Variants in AGBL4 observed in about 807,000 individuals in gnomAD.
AGBL4 encodes the protein cytosolic carboxypeptidase 6.
Under a neutral mutation model 66.4 loss-of-function variants are expected in AGBL4, and 58 were observed. The observed-to-expected ratio is 0.87, with a 90% CI of 0.71 to 1.09. The LOEUF is 1.09. Ranked by LOEUF, AGBL4 falls within the 50% of genes least tolerant of loss-of-function variation. The pLI is 0.00. For synonymous variants in AGBL4, 234 were observed against 222.9 expected (o/e 1.05, Z -0.44); for missense variants, 579 against 631.0 (o/e 0.92, Z 0.88).
At chr1:48,609,032 T>A (rs1645196300) in intron 9 of AGBL4, among the ~76,000 whole-genome samples, 3 of 152,152 alleles carry the variant, frequency 2.0e-5, no homozygotes, top group Non-Finnish European at 4.4e-5. Flanking sequence ...TAGGGTTACG[T>A]AGGGAAGCCA....
At chr1:48,961,095 G>GTGTGTGTGTGTGCGTGTA (rs1657936991) in intron 5 of AGBL4, among the ~76,000 whole-genome samples, 1 of 152,020 alleles carries the variant, frequency 6.6e-6, no homozygotes, top group Non-Finnish European at 1.5e-5. Context: ...GTGTGTGTGT[G>GTGTGTGTGTGTGCGTGTA]TGTGTGTGTG....
At chr1:49,699,249 T>C (rs1647042818) in intron 2 of AGBL4, among the ~76,000 whole-genome samples, 1 of 152,080 alleles carries the variant, frequency 6.6e-6, no homozygotes, top group East Asian at 1.9e-4. Context: ...ATAGTGAACA[T>C]CTGGTCTTTG....
chr1:48,784,573 T>C (rs1453299774), intron 6 of AGBL4, among the ~76,000 whole-genome samples: 2 of 152,236 alleles, frequency 1.3e-5, no homozygotes, highest in African/African-American at 4.8e-5. Context: ...AAACTGACTT[T>C]GTTGAGTATT....
chr1:49,718,797 GT>G (rs986926930), intron 2 of AGBL4, among the ~76,000 whole-genome samples: 3 of 151,872 alleles, frequency 2.0e-5, no homozygotes, highest in Non-Finnish European at 4.4e-5. Context: ...AGAAGATCCT[GT>G]AAAAAACATT....
intron 3 of AGBL4, among the ~76,000 whole-genome samples, chr1:49,392,211 T>C (rs191897494): frequency 6.6e-6 from 1 of 152,334 alleles, no homozygotes; most frequent in Non-Finnish European, 1.5e-5. Context: ...AGCCACATTA[T>C]GGCTAATTAT....
intron 5 of AGBL4, among the ~76,000 whole-genome samples, chr1:49,013,185 A>C (rs535539629): frequency 2.4e-4 from 37 of 152,368 alleles, no homozygotes; most frequent in African/African-American, 8.9e-4. Context: ...GACAGTGAGC[A>C]TGACAGCAAA....
intron 4 of AGBL4, among the ~76,000 whole-genome samples, chr1:49,084,253 C>T (rs1644857709): frequency 6.6e-6 from 1 of 152,216 alleles, no homozygotes; most frequent in African/African-American, 2.4e-5. Flanking sequence ...TCCAAAGTCA[C>T]TTCCACATTT....
At chr1:48,535,028 G>A (rs774144276) in intron 12 of AGBL4, 112 bp from the exon 13 acceptor site, 15 of 976,526 alleles carry the variant, frequency 1.5e-5, no homozygotes, top group Admixed American at 8.7e-5. Context: ...ACACCCAAAC[G>A]GAGCATAGGA....
At chr1:48,932,197 T>C (rs1335122019) in intron 5 of AGBL4, among the ~76,000 whole-genome samples, 1 of 152,196 alleles carries the variant, frequency 6.6e-6, no homozygotes, top group African/African-American at 2.4e-5. Flanking sequence ...TGCAGGATGG[T>C]ACAGCATGTC....
intron 4 of AGBL4, among the ~76,000 whole-genome samples, chr1:49,138,078 ACAAT>A (rs1179692091): frequency 1.3e-5 from 2 of 152,176 alleles, no homozygotes; most frequent in African/African-American, 4.8e-5. Flanking sequence ...GAACTGGGAA[ACAAT>A]CAAGTAGTTT....
intron 3 of AGBL4, among the ~76,000 whole-genome samples, chr1:49,615,234 T>C (rs2124260787): frequency 6.6e-6 from 1 of 152,266 alleles, no homozygotes; most frequent in South Asian, 2.1e-4. Context: ...AAGGAGGCAG[T>C]ATAAATCTCC....
At chr1:49,604,581 G>A (rs897839056) in intron 3 of AGBL4, among the ~76,000 whole-genome samples, 2 of 151,980 alleles carry the variant, frequency 1.3e-5, no homozygotes, top group African/African-American at 4.8e-5. Context: ...GTTCAATTAG[G>A]TCCCATTAAT....
intron 4 of AGBL4, among the ~76,000 whole-genome samples, chr1:49,242,547 G>T (rs1368074672): frequency 6.6e-6 from 1 of 151,960 alleles, no homozygotes; most frequent in African/African-American, 2.4e-5. Context: ...TGCAATGCCA[G>T]TTCCTAGCAG....
rs1647169502 is a variant in AGBL4, at chr1:48,856,812, G to T, written c.634+10379C>A. On this transcript the variant is annotated intron_variant, in intron 6 of 13. Coordinates refer to ENST00000371839, the MANE Select transcript of AGBL4 (RefSeq NM_032785.4). ...TCTATCATATTTTAGGAAATCAATT[G>T]TATCTTCAGAACACAGCCTCATTAG... Among the ~76,000 whole-genome samples, 4 of 152,078 alleles carry T rather than the reference G, an allele frequency of 2.6e-5. No individual in the cohort carries two copies. In the South Asian group the frequency reaches 8.3e-4, roughly 32 times the overall value.
At chr1:48,952,504 C>T (rs962945635) in intron 5 of AGBL4, among the ~76,000 whole-genome samples, 3 of 152,132 alleles carry the variant, frequency 2.0e-5, no homozygotes, top group Admixed American at 6.5e-5. Flanking sequence ...GAAGTCCTCC[C>T]GGAGGACGCT....
chr1:49,357,233 G>T (rs1311659866), intron 3 of AGBL4, among the ~76,000 whole-genome samples: 2 of 152,250 alleles, frequency 1.3e-5, no homozygotes, highest in East Asian at 1.9e-4. Context: ...TGCTCATCCT[G>T]TGTACTCATC....
chr1:48,729,002 G>T (rs1489026352), intron 6 of AGBL4, among the ~76,000 whole-genome samples: 1 of 152,164 alleles, frequency 6.6e-6, no homozygotes, highest in Non-Finnish European at 1.5e-5. Flanking sequence ...TCCAGACAAG[G>T]TCTGGCTGGA....
At chr1:49,696,232 C>T (rs191947108) in intron 3 of AGBL4, among the ~76,000 whole-genome samples, 17 of 152,156 alleles carry the variant, frequency 1.1e-4, no homozygotes, top group Admixed American at 4.6e-4. Flanking sequence ...CTCAATATAA[C>T]GGAATAGTAA....
intron 1 of AGBL4, among the ~76,000 whole-genome samples, chr1:49,939,095 A>G (rs1429152629): frequency 2.6e-5 from 4 of 152,138 alleles, no homozygotes; most frequent in East Asian, 1.9e-4. Flanking sequence ...GTGAACTCCC[A>G]TTCACAATTG....
Sources: allele counts gnomAD v4.1 joint callset (sites outside exome capture counted in the v4.1 genomes callset), GRCh38; gene constraint gnomAD v4.1.1; transcripts MANE v1.5; gene names NCBI Gene and HGNC (gene_info 2026-07-23, HGNC 2026-07-21).